Variants in MAST4 observed in about 807,000 individuals in gnomAD.
MAST4 encodes the protein microtubule-associated serine/threonine-protein kinase 4.
In MAST4, 89 loss-of-function variants were observed where a neutral mutation model predicts 162.7. The ratio of observed to expected loss-of-function variants is 0.55; its 90% CI spans 0.46 to 0.65. The LOEUF (loss-of-function observed/expected upper bound fraction) is 0.65, where lower values mean the gene tolerates loss of function less well. Ranked by LOEUF, MAST4 falls within the 30% of genes least tolerant of loss-of-function variation. The pLI, the probability that MAST4 is intolerant of heterozygous loss-of-function variation, is 0.00. For synonymous variants in MAST4, 1,479 were observed against 1,361.1 expected (o/e 1.09, Z -1.91); for missense variants, 3,153 against 3,374.0 (o/e 0.93, Z 1.62).
At chr5:67,013,142 A>G (rs768897495) in intron 4 of MAST4, among the ~76,000 whole-genome samples, 1 of 152,196 alleles carries the variant, frequency 6.6e-6, no homozygotes, top group Non-Finnish European at 1.5e-5. Flanking sequence ...GCAAACTGTA[A>G]TTGCAGGCAG....
intron 4 of MAST4, among the ~76,000 whole-genome samples, chr5:67,005,502 T>A (rs1751918020): frequency 6.6e-6 from 1 of 152,208 alleles, no homozygotes; most frequent in Non-Finnish European, 1.5e-5. Flanking sequence ...TTGACCTTTA[T>A]AAGATGCAGA....
At chr5:67,006,362 G>A (rs1271943757) in intron 4 of MAST4, among the ~76,000 whole-genome samples, 1 of 152,170 alleles carries the variant, frequency 6.6e-6, no homozygotes, top group Non-Finnish European at 1.5e-5. Context: ...ACCCTCTCTT[G>A]TAGTATTGCT....
chr5:66,816,318 G>A (rs994596691), intron 3 of MAST4, among the ~76,000 whole-genome samples: 1 of 152,002 alleles, frequency 6.6e-6, no homozygotes, highest in Non-Finnish European at 1.5e-5. Flanking sequence ...GCTTAGGGAA[G>A]CCAAAAGACT....
chr5:66,982,524 A>C (rs1748988968), intron 4 of MAST4, among the ~76,000 whole-genome samples: 1 of 152,198 alleles, frequency 6.6e-6, no homozygotes, highest in Non-Finnish European at 1.5e-5. Context: ...GTAGTCAGGG[A>C]TAACTAGCAC....
At chr5:66,895,074 C>A (rs1226762862) in intron 3 of MAST4, among the ~76,000 whole-genome samples, 1 of 152,100 alleles carries the variant, frequency 6.6e-6, no homozygotes, top group East Asian at 1.9e-4. Flanking sequence ...GTCATACTTT[C>A]TGGGTTTGAT....
intron 1 of MAST4, among the ~76,000 whole-genome samples, chr5:66,636,011 G>A (rs1745099602): frequency 8.1e-6 from 1 of 123,394 alleles, no homozygotes; most frequent in Non-Finnish European, 1.6e-5. Flanking sequence ...AGGCTAGAGT[G>A]CAGTTGTGCA....
chr5:66,658,873 T>C (rs768212950), intron 1 of MAST4, among the ~76,000 whole-genome samples: 32 of 152,146 alleles, frequency 2.1e-4, no homozygotes, highest in Non-Finnish European at 2.8e-4. Context: ...AATTAAAGAA[T>C]TAGCTGGGCA....
At chr5:66,983,760 G>A (rs1749140910) in intron 4 of MAST4, among the ~76,000 whole-genome samples, 1 of 152,222 alleles carries the variant, frequency 6.6e-6, no homozygotes, top group African/African-American at 2.4e-5. Context: ...TTTTATGCCA[G>A]TGTTATGACT....
chr5:66,740,319 T>C (rs550915215), intron 1 of MAST4, among the ~76,000 whole-genome samples: 7 of 152,346 alleles, frequency 4.6e-5, no homozygotes, highest in South Asian at 2.1e-4. Flanking sequence ...TGGCTGATGA[T>C]TGATCTTGAG....
chr5:67,080,281 TA>T (rs1162545517), intron 5 of MAST4, among the ~76,000 whole-genome samples: 2 of 152,356 alleles, frequency 1.3e-5, no homozygotes, highest in East Asian at 3.9e-4. Flanking sequence ...ATGTGCCTTT[TA>T]TGTACCTACT....
intron 1 of MAST4, among the ~76,000 whole-genome samples, chr5:66,640,865 T>C (rs1745448939): frequency 1.3e-5 from 2 of 152,200 alleles, no homozygotes; most frequent in African/African-American, 4.8e-5. Context: ...AGGGTTCCCT[T>C]TTCCCTACAC....
At position 66,609,650 on chromosome 5, in the gene MAST4, G is replaced by T. The variant is rs548884041; in HGVS notation, c.363+12632G>T. Among the ~76,000 whole-genome samples the T allele has an allele frequency of 9.4e-5, 14 of 148,972 alleles. No individual in the cohort carries two copies. In the South Asian group the frequency reaches 3.0e-3, roughly 32 times the overall value. On this transcript the variant is annotated intron_variant, in intron 1 of 28. Coordinates refer to ENST00000403625, the MANE Select transcript of MAST4 (RefSeq NM_001164664.2). ...GATCCACCCACCCTAGCCTCCCAAA[G>T]TGCAGGGATTACAGGAGTAAGCCAC...
intron 3 of MAST4, among the ~76,000 whole-genome samples, chr5:66,858,977 A>C (rs1218416618): frequency 6.6e-6 from 1 of 152,052 alleles, no homozygotes; most frequent in Admixed American, 6.5e-5. Context: ...AGTATATATA[A>C]ATACTATTTA....
intron 4 of MAST4, among the ~76,000 whole-genome samples, chr5:66,925,217 T>G (rs1764809379): frequency 1.3e-5 from 2 of 152,192 alleles, no homozygotes; most frequent in African/African-American, 2.4e-5. Flanking sequence ...CCACAAAATT[T>G]GCTGCATCTT....
Position 66,848,974 on chromosome 5 carries a change from A to G in MAST4, c.643-50977A>G, listed in dbSNP as rs141018846. Among the ~76,000 whole-genome samples, 1,080 of 152,298 alleles carry G rather than the reference A, an allele frequency of 7.1e-3. 9 individuals carry two copies. Among genetic ancestry groups the G allele is most frequent in the African/African-American group, 0.024 (1,006 of 41,564 alleles). On this transcript the variant is annotated intron_variant, in intron 3 of 28. Transcript: ENST00000403625. ...CCCAGCGTTATGCTCTTCCTGCATC[A>G]TGAGTTAAAGCGATGGAATTTTGTC...
At chr5:67,088,532 A>G (rs982277110) in intron 5 of MAST4, among the ~76,000 whole-genome samples, 17 of 152,212 alleles carry the variant, frequency 1.1e-4, no homozygotes, top group African/African-American at 4.1e-4. Flanking sequence ...TTTTAAAGGA[A>G]TATGAGGAGA....
intron 5 of MAST4, among the ~76,000 whole-genome samples, chr5:67,062,933 G>A (rs75845188): frequency 0.031 from 4,677 of 152,184 alleles, 106 homozygotes; most frequent in Non-Finnish European, 0.049. Flanking sequence ...AAATCATGTG[G>A]CTAAACTTTA....
chr5:66,624,924 A>T (rs1744325458), intron 1 of MAST4, among the ~76,000 whole-genome samples: 2 of 152,176 alleles, frequency 1.3e-5, no homozygotes, highest in South Asian at 4.1e-4. Flanking sequence ...AACAGGGAAA[A>T]CCTTGACCTT....
intron 12 of MAST4, 131 bp from the exon 13 acceptor site, chr5:67,118,551 C>T (rs1767194581): frequency 1.6e-6 from 1 of 609,808 alleles, no homozygotes; most frequent in Non-Finnish European, 2.9e-6. Flanking sequence ...TTAAGATTTT[C>T]CCATGGGCAC....
Sources: allele counts gnomAD v4.1 joint callset (sites outside exome capture counted in the v4.1 genomes callset), GRCh38; gene constraint gnomAD v4.1.1; transcripts MANE v1.5; gene names NCBI Gene and HGNC (gene_info 2026-07-23, HGNC 2026-07-21).